The following DOHH variants were observed in gnomAD, a reference collection of about 807,000 sequenced individuals.
DOHH encodes the protein deoxyhypusine hydroxylase.
In DOHH, 16 loss-of-function variants were observed where a neutral mutation model predicts 19.9. The ratio of observed to expected loss-of-function variants is 0.80; its 90% CI spans 0.54 to 1.22. DOHH has a LOEUF of 1.22. Among genes scored for constraint, DOHH ranks in the 50% most tolerant of loss-of-function variants. The pLI, the probability that DOHH is intolerant of heterozygous loss-of-function variation, is 0.00. For missense variants in DOHH, 460 were observed against 460.6 expected (o/e 1.00, Z 0.01); for synonymous variants, 233 against 217.0 (o/e 1.07, Z -0.65).
In DOHH at chr19:3,494,011, A is replaced by G. The variant is rs747198722; in HGVS notation, c.351+17T>C. Reference sequence around the variant, plus strand: ...GGGACCCGAGACTGGCAGGGAGACAAGCAGGGGCCTGGTTACCTCGATGAC... The same window carrying G: ...GGGACCCGAGACTGGCAGGGAGACAGGCAGGGGCCTGGTTACCTCGATGAC... On this transcript the variant is annotated intron_variant, in intron 3 of 4. Coordinates refer to ENST00000427575, the MANE Select transcript of DOHH (RefSeq NM_001145165.2). 6.2e-7 allele frequency: 1 copy of G among 1,610,516 alleles called. No individual in the cohort carries two copies. The highest frequency in any genetic ancestry group is 1.3e-5 in the African/African-American group (1 of 74,972).
intron 1 of DOHH, among the ~76,000 whole-genome samples, chr19:3,497,793 T>G (rs886635554): frequency 6.6e-6 from 1 of 150,936 alleles, no homozygotes; most frequent in Non-Finnish European, 1.5e-5. Flanking sequence ...CCCAGCTAAT[T>G]TTTTTTTTAT....
At position 3,491,215 on chromosome 19, in the gene DOHH, C is replaced by G. The variant is rs1200642229; in HGVS notation, c.*277G>C. 7.5e-6 allele frequency: 4 copies of G among 530,438 alleles called. No individual in the cohort carries two copies. The highest frequency in any genetic ancestry group is 1.3e-5 in the Non-Finnish European group (4 of 304,382). 32.9% of individuals were successfully genotyped at this position (530,438 alleles called of 1,614,324 possible). On this transcript the variant is annotated 3_prime_UTR_variant, in exon 5 of 5. Transcript: ENST00000427575. This position sits in a 1 kb window ranked among gnomAD's most constrained non-coding sequence, Gnocchi z 5.6. ...CTCGCAATCCTCCCCTGTCCTGAGCCGGGCATCCCAGAGCCTCCCGCAGAG... is the reference window on the plus strand; with the variant it reads ...CTCGCAATCCTCCCCTGTCCTGAGCGGGGCATCCCAGAGCCTCCCGCAGAG...
intron 1 of DOHH, among the ~76,000 whole-genome samples, chr19:3,498,703 C>T (rs1295097348): frequency 6.6e-6 from 1 of 152,164 alleles, no homozygotes; most frequent in Non-Finnish European, 1.5e-5. Flanking sequence ...CCACACCCAG[C>T]CAATAACGAA....
chr19:3,498,130 G>A (rs1307629990), intron 1 of DOHH, among the ~76,000 whole-genome samples: 1 of 151,812 alleles, frequency 6.6e-6, no homozygotes, highest in East Asian at 1.9e-4. Flanking sequence ...AGGCCTCCTC[G>A]CTGTTCCTCC....
intron 2 of DOHH, 73 bp from the exon 3 acceptor site, chr19:3,494,177 C>G: frequency 1.5e-6 from 2 of 1,355,980 alleles, no homozygotes. Flanking sequence ...CCTCTGGGAC[C>G]GGAGGACACC....
Position 3,491,889 on chromosome 19 carries a change from T to C in DOHH, c.590-78A>G. ...CTGTCTTTTCGAAGACATGGGGTCT[T>C]GCTATCTTGCCCAGGCAGGTCACAA... On this transcript the variant is annotated intron_variant, in intron 4 of 4. Transcript: ENST00000427575. The surrounding 1 kb of genome is among the most constrained non-coding windows in gnomAD (Gnocchi z 5.6). 6 of 1,330,060 alleles carry C rather than the reference T, an allele frequency of 4.5e-6. No homozygotes were observed. The highest frequency in any genetic ancestry group is 5.9e-6 in the Non-Finnish European group (6 of 1,018,148). 82.4% of individuals were successfully genotyped at this position (1,330,060 alleles called of 1,614,324 possible). A position where few individuals can be genotyped will look rare whatever the true frequency, so the allele number is the denominator to read the frequency against.
At chr19:3,499,713 A>G (rs2082935249) in intron 1 of DOHH, among the ~76,000 whole-genome samples, 1 of 151,952 alleles carries the variant, frequency 6.6e-6, no homozygotes, top group African/African-American at 2.4e-5. Flanking sequence ...CGGAGGTTGC[A>G]GTGAGCCGAG....
At chr19:3,498,103 C>G (rs1010373406) in intron 1 of DOHH, among the ~76,000 whole-genome samples, 26 of 152,148 alleles carry the variant, frequency 1.7e-4, no homozygotes, top group African/African-American at 6.0e-4. Context: ...CCCTCTCTAG[C>G]TCCACTCCAG....
chr19:3,497,984 A>G lies in DOHH; in HGVS notation c.-72-1098T>C, dbSNP rs1181317739. On this transcript the variant is annotated intron_variant, in intron 1 of 4. Transcript: ENST00000427575. ...GATAACAGATTCAGAAGTACTTTCA[A>G]TATGTAAACTGGACCATATCACTCC... Among the ~76,000 whole-genome samples the G allele has an allele frequency of 3.3e-5, 5 of 152,170 alleles. No homozygotes were observed. In the East Asian group the frequency reaches 9.6e-4, roughly 29 times the overall value.
chr19:3,492,109 G>C (rs988272800), intron 4 of DOHH, among the ~76,000 whole-genome samples, 153 bp downstream of exon 4: 1 of 152,200 alleles, frequency 6.6e-6, no homozygotes, highest in African/African-American at 2.4e-5. Flanking sequence ...AGGGACGCTT[G>C]CACGGGTTCT....
chr19:3,492,343 G>C lies in DOHH; in HGVS notation c.508C>G (p.Arg170Gly). 3 of 1,544,800 alleles carry C rather than the reference G, an allele frequency of 1.9e-6. No homozygotes were observed. Among genetic ancestry groups the C allele is most frequent in the Non-Finnish European group, 2.6e-6 (3 of 1,152,492 alleles). ...GCGCGGTATCGCTCGAAGAGCGGCCGGGACTCATCCAGCAGCGCCTCCCGC... is the reference window on the plus strand; with the variant it reads ...GCGCGGTATCGCTCGAAGAGCGGCCCGGACTCATCCAGCAGCGCCTCCCGC... Reference protein sequence around the residue: ...RLREALLDESRPLFERYRAMF... With the variant: ...RLREALLDESGPLFERYRAMF... The change falls in exon 4 of 5, where the codon CGG becomes GGG. Residue 170 changes from arginine (R) to glycine (G), a missense_variant. Physicochemically the swap from Arg to Gly is moderately radical, Grantham distance 125. Coordinates refer to ENST00000427575, the MANE Select transcript of DOHH (RefSeq NM_001145165.2).
At chr19:3,492,537 G>A in intron 3 of DOHH, 38 bp from the exon 4 acceptor site, 1 of 1,341,512 alleles carries the variant, frequency 7.5e-7, no homozygotes, top group Non-Finnish European at 9.5e-7. Context: ...GTTGGCCCTG[G>A]GGGGTCGCAG....
chr19:3,498,950 G>T (rs1359317621), intron 1 of DOHH, among the ~76,000 whole-genome samples: 1 of 152,232 alleles, frequency 6.6e-6, no homozygotes, highest in Non-Finnish European at 1.5e-5. Context: ...TAGATTAAAA[G>T]AAGTTAGTCA....
intron 1 of DOHH, among the ~76,000 whole-genome samples, chr19:3,499,333 A>G (rs1219129716): frequency 2.6e-5 from 4 of 152,270 alleles, no homozygotes; most frequent in Non-Finnish European, 2.9e-5. Context: ...CCTAGATATC[A>G]TATTGGAAAG....
chr19:3,498,300 A>C (rs2082924782), intron 1 of DOHH, among the ~76,000 whole-genome samples: 1 of 152,222 alleles, frequency 6.6e-6, no homozygotes. Context: ...TAAACATTAA[A>C]AGCTAAAAGA....
In DOHH at chr19:3,496,423, CTCT is replaced by C; in HGVS notation, c.274+115_274+117del. The C allele has an allele frequency of 7.0e-7, 1 of 1,431,004 alleles. No individual in the cohort carries two copies. The allele number at this position is 1,431,004 out of a possible 1,614,324, so 88.6% of individuals were successfully genotyped here. ...AGCTGCAGGTATTTACTATCTGGTG[CTCT>C]ATGGGGCAGTTGACCACTCTGATAT... On this transcript the variant is annotated intron_variant, in intron 2 of 4. Transcript: ENST00000427575. This position sits in a 1 kb window ranked among gnomAD's most constrained non-coding sequence, Gnocchi z 4.8.
rs927132065 is a variant in DOHH, at chr19:3,493,114, C to T, written c.352-615G>A. ...CAAGCATCCAGCCACAGTGAGTGGA[C>T]ACAGCATGGGCCGTCCACACCACGG... is the stretch of plus-strand genomic sequence containing the variant. On this transcript the variant is annotated intron_variant, in intron 3 of 4. Transcript: ENST00000427575. 4.6e-5 allele frequency among the ~76,000 whole-genome samples: 7 copies of T among 152,170 alleles called. No individual in the cohort carries two copies. The South Asian group carries it at 1.4e-3, about 31-fold the overall frequency.
At chr19:3,495,207 C>A (rs1234472404) in intron 2 of DOHH, among the ~76,000 whole-genome samples, 1 of 152,032 alleles carries the variant, frequency 6.6e-6, no homozygotes, top group East Asian at 1.9e-4. Flanking sequence ...GAACTCCTGA[C>A]CTCAGGTGAT....
rs2286440 is a variant in DOHH at position 3,490,953 on chromosome 19, G to A, written c.*539C>T. The A allele has an allele frequency of 0.049, 8,341 of 169,718 alleles. 323 individuals carry two copies. The highest frequency in any genetic ancestry group is 0.17 in the East Asian group (891 of 5,214). The allele number at this position is 169,718 out of a possible 1,614,324, so 10.5% of individuals were successfully genotyped here. A position where few individuals can be genotyped will look rare whatever the true frequency, so the allele number is the denominator to read the frequency against. The stretch of plus-strand genomic sequence containing the variant: ...TCCCTACCCAGGCCTCGGGGTGGGG[G>A]AGTCAGAGGCCCCCAGACCCTGTGT... On this transcript the variant is annotated 3_prime_UTR_variant, in exon 5 of 5. Transcript: ENST00000427575.
Sources: gnomAD v4.1 joint callset for allele counts (sites outside exome capture counted in the v4.1 genomes callset) on GRCh38, gnomAD v4.1.1 for gene constraint, Gnocchi (gnomAD v3.1) non-coding constraint, MANE v1.5 for transcripts, NCBI Gene and HGNC (gene_info 2026-07-23, HGNC 2026-07-21) for gene names.